Variants in NT5M observed in about 807,000 individuals in gnomAD.
The protein encoded by NT5M is 5'(3')-deoxyribonucleotidase, mitochondrial.
NT5M carries 22 observed loss-of-function variants against 22.2 expected under a neutral mutation model. The ratio of observed to expected loss-of-function variants is 0.99; its 90% CI spans 0.71 to 1.41. NT5M has a LOEUF of 1.41. Among genes scored for constraint, NT5M ranks in the 40% most tolerant of loss-of-function variants. NT5M has a pLI of 0.00. For synonymous variants in NT5M, 167 were observed against 133.0 expected (o/e 1.26, Z -1.76); for missense variants, 322 against 314.8 (o/e 1.02, Z -0.17).
intron 3 of NT5M, among the ~76,000 whole-genome samples, chr17:17,332,659 C>G (rs1366318514): frequency 6.6e-6 from 1 of 152,162 alleles, no homozygotes; most frequent in Non-Finnish European, 1.5e-5. Context: ...AGGTGATGAG[C>G]AGCCCTTCTC....
chr17:17,315,739 T>A (rs184773328), intron 2 of NT5M, among the ~76,000 whole-genome samples: 1 of 135,698 alleles, frequency 7.4e-6, no homozygotes, highest in East Asian at 2.0e-4. Flanking sequence ...GTGATCTAAC[T>A]TAGGGTTTTT....
At chr17:17,312,619 G>A (rs1439710280) in intron 2 of NT5M, among the ~76,000 whole-genome samples, 1 of 148,224 alleles carries the variant, frequency 6.7e-6, no homozygotes, top group Non-Finnish European at 1.5e-5. Flanking sequence ...ACTCCAGCCT[G>A]GGCAACAAGA....
intron 3 of NT5M, among the ~76,000 whole-genome samples, chr17:17,338,070 A>G (rs987610277): frequency 1.1e-4 from 16 of 152,072 alleles, no homozygotes; most frequent in Admixed American, 2.0e-4. Context: ...TCTTTTGCAT[A>G]TGGATATCCA....
In NT5M at chr17:17,318,480, C is replaced by CAAA. The variant is rs71355545; in HGVS notation, c.369-4684_369-4682dup. ...TGGGTAACAAAGCGAGACTCTGTCT[C>CAAA]AAAAAAAAAAAAAAAAAAAAAAAGT... On this transcript the variant is annotated intron_variant, in intron 2 of 4. Coordinates refer to ENST00000389022, the MANE Select transcript of NT5M (RefSeq NM_020201.4). Among the ~76,000 whole-genome samples the CAAA allele has an allele frequency of 2.0e-3, 85 of 41,982 alleles. 1 individual carries two copies. Among genetic ancestry groups the CAAA allele is most frequent in the Middle Eastern group, 0.023 (1 of 44 alleles). The allele number at this position is 41,982 out of a possible 152,430, so 27.5% of individuals were successfully genotyped here.
intron 2 of NT5M, 109 bp downstream of exon 2, chr17:17,306,752 C>G (rs2048811104): frequency 2.5e-6 from 2 of 799,454 alleles, no homozygotes; most frequent in Non-Finnish European, 4.3e-6. Context: ...CTCTCCTTGG[C>G]CCTGCGCAAG....
At chr17:17,313,006 A>C (rs1450175357) in intron 2 of NT5M, among the ~76,000 whole-genome samples, 2 of 152,054 alleles carry the variant, frequency 1.3e-5, no homozygotes, top group Non-Finnish European at 2.9e-5. Context: ...GTGCTGGCTC[A>C]CACCTGTAAT....
intron 2 of NT5M, 42 bp from the exon 3 acceptor site, chr17:17,323,143 G>C: frequency 1.3e-6 from 2 of 1,579,894 alleles, no homozygotes; most frequent in Non-Finnish European, 1.7e-6. Flanking sequence ...GGGTGGTGAA[G>C]TCATGGGGCT....
At chr17:17,336,533 G>A (rs974427759) in intron 3 of NT5M, among the ~76,000 whole-genome samples, 1 of 151,162 alleles carries the variant, frequency 6.6e-6, no homozygotes, top group Admixed American at 6.6e-5. Flanking sequence ...ACAATGACAG[G>A]CTCTCATTCT....
chr17:17,306,444 T>C (rs1256472873), intron 1 of NT5M, 99 bp from the exon 2 acceptor site: 1 of 800,540 alleles, frequency 1.2e-6, no homozygotes, highest in Non-Finnish European at 2.2e-6. Context: ...GTGAGAGGAA[T>C]GAAGAACCAC....
At chr17:17,338,963 G>A (rs1048311123) in intron 3 of NT5M, among the ~76,000 whole-genome samples, 3 of 151,962 alleles carry the variant, frequency 2.0e-5, no homozygotes, top group Non-Finnish European at 2.9e-5. Context: ...TCCTGACCTC[G>A]TGATCTGCCT....
intron 2 of NT5M, among the ~76,000 whole-genome samples, chr17:17,313,101 C>G (rs563346915): frequency 2.0e-4 from 30 of 152,056 alleles, no homozygotes; most frequent in African/African-American, 6.7e-4. Flanking sequence ...GAAACCCTGT[C>G]TCTACTAAAA....
At position 17,347,507 on chromosome 17, in the gene NT5M, C is replaced by G. The variant is rs1479085787; in HGVS notation, c.*560C>G. On this transcript the variant is annotated 3_prime_UTR_variant, in exon 5 of 5. Coordinates refer to ENST00000389022, the MANE Select transcript of NT5M (RefSeq NM_020201.4). ...ACTAGGTGACAGCGGCCACCAGGCT[C>G]TGTGCTGGGGGACGATACTGGCCCT... 1 of 156,720 alleles carries G rather than the reference C, an allele frequency of 6.4e-6. No homozygotes were observed. The highest frequency in any genetic ancestry group is 1.4e-5 in the Non-Finnish European group (1 of 71,100). The allele number at this position is 156,720 out of a possible 1,614,324, so 9.7% of individuals were successfully genotyped here. A position where few individuals can be genotyped will look rare whatever the true frequency, so the allele number is the denominator to read the frequency against.
chr17:17,311,950 G>C (rs1486269169), intron 2 of NT5M, among the ~76,000 whole-genome samples: 4 of 152,234 alleles, frequency 2.6e-5, no homozygotes, highest in Non-Finnish European at 5.9e-5. Context: ...CTGACCTGCA[G>C]CCACATGACT....
chr17:17,303,942 G>A lies in NT5M; in HGVS notation c.267+125G>A, dbSNP rs1378782123. On this transcript the variant is annotated intron_variant, in intron 1 of 4. Transcript: ENST00000389022. ...TCGGGGTGGCCCTCTGATAGAATAG[G>A]GTCTGGGGGGGACTAGGGGCCACAG... 3.9e-6 allele frequency: 5 copies of A among 1,286,238 alleles called. No individual in the cohort carries two copies. In the East Asian group the frequency reaches 1.6e-4, roughly 40 times the overall value. 79.7% of individuals were successfully genotyped at this position (1,286,238 alleles called of 1,614,324 possible).
chr17:17,315,823 C>T (rs1469602561), intron 2 of NT5M, among the ~76,000 whole-genome samples: 1 of 148,154 alleles, frequency 6.7e-6, no homozygotes, highest in African/African-American at 2.5e-5. Flanking sequence ...GGTGTGATCC[C>T]AGCTCACTGC....
Position 17,303,436 on chromosome 17 carries a change from T to C in NT5M, c.-115T>C, listed in dbSNP as rs1191014027. The C allele has an allele frequency of 3.0e-6, 3 of 992,786 alleles. No individual in the cohort carries two copies. In the African/African-American group the frequency reaches 5.3e-5, roughly 17 times the overall value. 61.5% of individuals were successfully genotyped at this position (992,786 alleles called of 1,614,324 possible). On this transcript the variant is annotated 5_prime_UTR_variant, in exon 1 of 5. Coordinates refer to ENST00000389022, the MANE Select transcript of NT5M (RefSeq NM_020201.4). The stretch of plus-strand genomic sequence containing the variant: ...CCCCGCCCCGCTCCCCGTCCCGCGC[T>C]CCACGCGCGCCCCAGCGTTGGGGGC...
At chr17:17,311,348 AAAAG>A (rs1179283805) in intron 2 of NT5M, among the ~76,000 whole-genome samples, 1 of 151,626 alleles carries the variant, frequency 6.6e-6, no homozygotes, top group Non-Finnish European at 1.5e-5. Flanking sequence ...CAAAAAAAAA[AAAAG>A]AGTTTTAGTT....
At chr17:17,328,125 G>A (rs2049300590) in intron 3 of NT5M, among the ~76,000 whole-genome samples, 1 of 152,110 alleles carries the variant, frequency 6.6e-6, no homozygotes, top group Non-Finnish European at 1.5e-5. Context: ...CCGTGGGCAG[G>A]GTACTTTCCT....
intron 2 of NT5M, 142 bp from the exon 3 acceptor site, chr17:17,323,043 G>A: frequency 2.6e-6 from 2 of 764,920 alleles, no homozygotes; most frequent in East Asian, 4.9e-5. Flanking sequence ...TGTGGATATA[G>A]TACAGGGGAG....
Sources: gnomAD v4.1 joint callset for allele counts (sites outside exome capture counted in the v4.1 genomes callset) on GRCh38, gnomAD v4.1.1 for gene constraint, MANE v1.5 for transcripts, NCBI Gene and HGNC (gene_info 2026-07-23, HGNC 2026-07-21) for gene names.